The following PPP1R21 variants were observed in gnomAD, a reference collection of about 807,000 sequenced individuals.
PPP1R21 encodes protein phosphatase 1 regulatory subunit 21.
Under a neutral mutation model 112.8 loss-of-function variants are expected in PPP1R21, and 85 were observed. That is an observed-to-expected ratio of 0.75 (90% CI 0.63 to 0.90). PPP1R21 has a LOEUF of 0.90. Ranked by LOEUF, PPP1R21 falls within the 40% of genes least tolerant of loss-of-function variation. PPP1R21 has a pLI of 0.00. For synonymous variants in PPP1R21, 381 were observed against 322.3 expected (o/e 1.18, Z -1.95); for missense variants, 1,199 against 901.5 (o/e 1.33, Z -4.23).
Position 48,471,365 on chromosome 2 carries a change from A to G in PPP1R21, c.1086A>G (p.Lys362=), listed in dbSNP as rs1668488308. 1 of 1,606,284 alleles carries G rather than the reference A, an allele frequency of 6.2e-7. No homozygotes were observed. The highest frequency in any genetic ancestry group is 8.5e-7 in the Non-Finnish European group (1 of 1,177,668). ...GGAAGATTCTTCCCTATCAGTTAAA[A>G]AGGTAGTTACCCCCGGAGGCCAGGG... ...FLRKILPYQL[K]SLEEECESSL... The change falls in exon 11 of 22, where the codon AAA becomes AAG. Residue 362 remains lysine (K), a splice_region_variant and synonymous_variant. Coordinates refer to ENST00000294952, the MANE Select transcript of PPP1R21 (RefSeq NM_001135629.3).
chr2:48,442,643 A>T lies in PPP1R21; in HGVS notation c.57+1633A>T, dbSNP rs1339041399. 2.0e-5 allele frequency among the ~76,000 whole-genome samples: 3 copies of T among 152,212 alleles called. 1 individual carries two copies. Among genetic ancestry groups the T allele is most frequent in the Admixed American group, 2.0e-4 (3 of 15,288 alleles). On this transcript the variant is annotated intron_variant, in intron 1 of 21. Transcript: ENST00000294952. ...GTACGACAAGTGTTAGTTCAGTGGG[A>T]CTACCGAAGACATTGGATAAGCGTT... is the stretch of plus-strand genomic sequence containing the variant.
intron 14 of PPP1R21, among the ~76,000 whole-genome samples, chr2:48,487,688 G>A (rs1208484461): frequency 6.6e-6 from 1 of 151,204 alleles, no homozygotes; most frequent in Non-Finnish European, 1.5e-5. Flanking sequence ...TTGAGCCCAG[G>A]AGGTTGAGGC....
intron 6 of PPP1R21, among the ~76,000 whole-genome samples, 187 bp from the exon 7 acceptor site, chr2:48,460,951 C>G (rs1667949609): frequency 6.6e-6 from 1 of 152,168 alleles, no homozygotes; most frequent in South Asian, 2.1e-4. Flanking sequence ...CCAGAAGTCC[C>G]TGGGACTTGA....
intron 13 of PPP1R21, among the ~76,000 whole-genome samples, chr2:48,484,800 C>G (rs1418669557): frequency 6.6e-6 from 1 of 152,196 alleles, no homozygotes; most frequent in Non-Finnish European, 1.5e-5. Flanking sequence ...CAGGCATGAG[C>G]CACTGCATCC....
rs148992551 is a variant in PPP1R21 at position 48,448,995 on chromosome 2, A to G, written c.58-2013A>G. ...TTGGCCCTCAGACCTTAGTTGGCCA[A>G]CCCGTGTTCTAGAGAATTTAATCTC... On this transcript the variant is annotated intron_variant, in intron 1 of 21. Coordinates refer to ENST00000294952, the MANE Select transcript of PPP1R21 (RefSeq NM_001135629.3). Among the ~76,000 whole-genome samples the G allele has an allele frequency of 1.1e-3, 171 of 151,806 alleles. 1 individual carries two copies. Among genetic ancestry groups the G allele is most frequent in the African/African-American group, 4.0e-3 (165 of 41,396 alleles).
rs1431607088 is a variant in PPP1R21, at chr2:48,509,562, G to T, written c.2086-453G>T. Reference sequence around the variant, plus strand: ...TCTACTAAAAATACAAAACTTAGCTGGGTGTGGTGGTGCATGCCTGTAATC... The same window carrying T: ...TCTACTAAAAATACAAAACTTAGCTTGGTGTGGTGGTGCATGCCTGTAATC... On this transcript the variant is annotated intron_variant, in intron 19 of 21. Transcript: ENST00000294952. Among the ~76,000 whole-genome samples, 2 of 151,776 alleles carry T rather than the reference G, an allele frequency of 1.3e-5. 1 individual carries two copies. The highest frequency in any genetic ancestry group is 4.8e-5 in the African/African-American group (2 of 41,278).
chr2:48,475,154 A>G (rs759870230), intron 12 of PPP1R21, among the ~76,000 whole-genome samples: 8 of 151,742 alleles, frequency 5.3e-5, no homozygotes, highest in Non-Finnish European at 8.8e-5. Flanking sequence ...GGAGTTCAAG[A>G]CCATCCTGGG....
intron 18 of PPP1R21, among the ~76,000 whole-genome samples, chr2:48,505,940 G>T (rs1223735748): frequency 6.6e-6 from 1 of 152,120 alleles, no homozygotes; most frequent in Non-Finnish European, 1.5e-5. Flanking sequence ...GGGCAGCCAG[G>T]AAAGCAGGGC....
In PPP1R21 at chr2:48,440,947, G is replaced by A. The variant is rs751863344; in HGVS notation, c.-7G>A. 2 of 1,604,390 alleles carry A rather than the reference G, an allele frequency of 1.2e-6. No homozygotes were observed. The highest frequency in any genetic ancestry group is 1.7e-6 in the Non-Finnish European group (2 of 1,172,750). On this transcript the variant is annotated 5_prime_UTR_variant, in exon 1 of 22. Coordinates refer to ENST00000294952, the MANE Select transcript of PPP1R21 (RefSeq NM_001135629.3). The stretch of plus-strand genomic sequence containing the variant: ...GGCGGCCTGGCCTGTACGGGGCGGG[G>A]GAGGCCATGGCCTCGGCTGAGTTGC...
intron 19 of PPP1R21, among the ~76,000 whole-genome samples, chr2:48,509,598 G>A (rs182368675): frequency 3.4e-4 from 51 of 151,972 alleles, no homozygotes; most frequent in Non-Finnish European, 5.7e-4. Context: ...CCAGCTACTC[G>A]GGAAGCTGAG....
chr2:48,471,757 A>G (rs1259040713), intron 11 of PPP1R21, among the ~76,000 whole-genome samples: 1 of 152,188 alleles, frequency 6.6e-6, no homozygotes, highest in East Asian at 1.9e-4. Flanking sequence ...TATCTACTCT[A>G]GCCCTTACAG....
At chr2:48,499,433 C>A (rs1209034834) in intron 17 of PPP1R21, among the ~76,000 whole-genome samples, 1 of 152,124 alleles carries the variant, frequency 6.6e-6, no homozygotes, top group South Asian at 2.1e-4. Flanking sequence ...ATAGAAATAA[C>A]CACAGGAAGC....
chr2:48,493,370 A>C (rs1441579598), intron 15 of PPP1R21, among the ~76,000 whole-genome samples: 1 of 152,032 alleles, frequency 6.6e-6, no homozygotes, highest in East Asian at 1.9e-4. Flanking sequence ...TAAGAATGTT[A>C]ATTTTGTGTT....
chr2:48,495,727 A>G lies in PPP1R21; in HGVS notation c.1648A>G (p.Ile550Val), dbSNP rs1253150198. ...TGAAGAAGCACTGGCAAACCGCCGC[A>G]TCCTTCTCAGCTCTACTGAAAGTCG... ...PYEEALANRR[I>V]LLSSTESREG... Residue 550 changes from isoleucine (I) to valine (V), a missense_variant, in exon 16 of 22, where the codon ATC becomes GTC. Ile to Val is a conservative substitution (Grantham distance 29). Transcript: ENST00000294952. The G allele has an allele frequency of 3.7e-6, 6 of 1,612,702 alleles. No individual in the cohort carries two copies. In the African/African-American group the frequency reaches 4.0e-5, roughly 11 times the overall value.
intron 17 of PPP1R21, among the ~76,000 whole-genome samples, chr2:48,505,033 TA>T (rs1418614621): frequency 6.6e-6 from 1 of 152,242 alleles, no homozygotes; most frequent in African/African-American, 2.4e-5. Flanking sequence ...AGTAGCATTT[TA>T]ATGTGTTTAA....
chr2:48,509,711 A>G (rs1670546014), intron 19 of PPP1R21, among the ~76,000 whole-genome samples: 1 of 152,134 alleles, frequency 6.6e-6, no homozygotes, highest in Non-Finnish European at 1.5e-5. Flanking sequence ...TCTCAAAAAA[A>G]GAAAAAAAAA....
At chr2:48,482,643 CTG>C (rs1669070603) in intron 13 of PPP1R21, among the ~76,000 whole-genome samples, 4 of 139,120 alleles carry the variant, frequency 2.9e-5, no homozygotes, top group Admixed American at 2.2e-4. Flanking sequence ...AATAAAGACA[CTG>C]TTTTTTTTTT....
Position 48,491,119 on chromosome 2 carries a change from C to T in PPP1R21, c.1548C>T (p.Cys516=), listed in dbSNP as rs112384371. The T allele has an allele frequency of 1.9e-6, 3 of 1,614,154 alleles. No individual in the cohort carries two copies. Among genetic ancestry groups the T allele is most frequent in the East Asian group, 2.2e-5 (1 of 44,880 alleles). The change falls in exon 15 of 22, where the codon TGC becomes TGT. Residue 516 remains cysteine, a synonymous_variant. Transcript: ENST00000294952. The part of the protein sequence containing the change: ...SGFISPLSAE[C]MLQYKKKAAA... ...TCATTAGTCCTCTTTCAGCTGAATG[C>T]ATGCTACAGTATAAGAAAAAAGCTG...
chr2:48,485,228 G>A (rs11695461), intron 13 of PPP1R21, among the ~76,000 whole-genome samples: 145,361 of 152,112 alleles, frequency 0.96, 69,744 homozygotes, highest in Middle Eastern at 0.99. Flanking sequence ...TGGGCTCAAT[G>A]GAAGCCCAAA....
Sources: gnomAD v4.1 joint callset for allele counts (sites outside exome capture counted in the v4.1 genomes callset) on GRCh38, gnomAD v4.1.1 for gene constraint, MANE v1.5 for transcripts, NCBI Gene and HGNC (gene_info 2026-07-23, HGNC 2026-07-21) for gene names.